ZFHX4: variants seen among roughly 807,000 people sequenced by gnomAD.
ZFHX4 encodes zinc finger homeobox protein 4.
A neutral mutation model predicts 267.6 loss-of-function variants in ZFHX4; 56 were observed. The ratio of observed to expected loss-of-function variants is 0.21; its 90% confidence interval spans 0.17 to 0.26. The LOEUF is 0.26. Ranked by LOEUF, ZFHX4 falls within the 10% of genes least tolerant of loss-of-function variation. The probability of loss-of-function intolerance (pLI) is 1.00; values close to 1 mark genes in which losing one functional copy is unlikely to be tolerated. For missense variants in ZFHX4, 4,332 were observed against 4,420.0 expected (o/e 0.98, Z 0.56); for synonymous variants, 1,778 against 1,665.6 (o/e 1.07, Z -1.64).
intron 3 of ZFHX4, among the ~76,000 whole-genome samples, chr8:76,738,599 T>TTTCCTTCCTTCCTTCC (rs1181956560): frequency 7.7e-6 from 1 of 130,100 alleles, no homozygotes; most frequent in Non-Finnish European, 1.6e-5. Context: ...TTTCTTTCTT[T>TTTCCTTCCTTCCTTCC]TTCCTTCCTT....
At chr8:76,768,063 G>A (rs915103797) in intron 3 of ZFHX4, among the ~76,000 whole-genome samples, 11 of 152,072 alleles carry the variant, frequency 7.2e-5, no homozygotes, top group Admixed American at 7.2e-4. Flanking sequence ...ATTTGGATTG[G>A]GCTTTAAAAT....
chr8:76,701,661 C>T (rs1009322245), intron 1 of ZFHX4, among the ~76,000 whole-genome samples: 1 of 152,240 alleles, frequency 6.6e-6, no homozygotes, highest in Non-Finnish European at 1.5e-5. Context: ...ATAATTCTAG[C>T]TAGTGACTGT....
chr8:76,813,779 G>A (rs898113777), intron 4 of ZFHX4, among the ~76,000 whole-genome samples: 3 of 152,122 alleles, frequency 2.0e-5, no homozygotes, highest in African/African-American at 7.2e-5. Flanking sequence ...TGTGTTCTAT[G>A]TAAGAGTTAA....
intron 3 of ZFHX4, among the ~76,000 whole-genome samples, chr8:76,755,202 A>G (rs1426854197): frequency 2.6e-5 from 4 of 151,978 alleles, no homozygotes; most frequent in Non-Finnish European, 5.9e-5. Flanking sequence ...TTTCTTATTG[A>G]TGTATTAGAA....
chr8:76,743,840 T>A (rs1809385444), intron 3 of ZFHX4, among the ~76,000 whole-genome samples: 1 of 152,198 alleles, frequency 6.6e-6, no homozygotes. Context: ...TTATGATGCA[T>A]CAATGTTATT....
At position 76,863,565 on chromosome 8, in the gene ZFHX4, G is replaced by A. The variant is rs757962675; in HGVS notation, c.9851G>A (p.Gly3284Glu). ...FTPQLPGTVQ[G>E]GYFPPVCGME... Reference sequence around the variant, plus strand: ...CCTCAGCTCCCTGGAACAGTGCAGGGGGGATACTTCCCACCTGTCTGTGGC... The same window carrying A: ...CCTCAGCTCCCTGGAACAGTGCAGGAGGGATACTTCCCACCTGTCTGTGGC... The change falls in exon 11 of 11, where the codon GGG becomes GAG. Residue 3284 changes from glycine (G) to glutamate (E), a missense_variant. This residue lies in a region of ZFHX4 where 1,648 missense variants were observed against 1,625.0 expected (regional missense o/e 1.01). Transcript: ENST00000651372. 6.2e-7 allele frequency: 1 copy of A among 1,613,682 alleles called. No homozygotes were observed. The highest frequency in any genetic ancestry group is 8.5e-7 in the Non-Finnish European group (1 of 1,179,824).
At chr8:76,859,160 C>T (rs1320885158) in intron 10 of ZFHX4, among the ~76,000 whole-genome samples, 8 of 152,100 alleles carry the variant, frequency 5.3e-5, no homozygotes, top group African/African-American at 9.7e-5. Flanking sequence ...GGTTGGATAT[C>T]GGTTTTAATG....
At chr8:76,735,842 T>G (rs1809145084) in intron 3 of ZFHX4, among the ~76,000 whole-genome samples, 1 of 152,096 alleles carries the variant, frequency 6.6e-6, no homozygotes, top group Admixed American at 6.6e-5. Flanking sequence ...GGAATTTGCT[T>G]TCTTTCAAGG....
intron 3 of ZFHX4, among the ~76,000 whole-genome samples, chr8:76,759,866 A>G (rs1241957215): frequency 2.6e-5 from 4 of 152,192 alleles, no homozygotes; most frequent in Non-Finnish European, 4.4e-5. Context: ...AATACTCTCC[A>G]TGAGAGGGTT....
chr8:76,695,475 C>G (rs777377571), intron 1 of ZFHX4, among the ~76,000 whole-genome samples: 1 of 152,192 alleles, frequency 6.6e-6, no homozygotes, highest in Non-Finnish European at 1.5e-5. Flanking sequence ...GAAGTTAACA[C>G]TTAATTTAAA....
chr8:76,692,415 G>T (rs1363362150), intron 1 of ZFHX4, among the ~76,000 whole-genome samples: 1 of 152,128 alleles, frequency 6.6e-6, no homozygotes, highest in Non-Finnish European at 1.5e-5. Context: ...AATGGATACT[G>T]TTACGTGGTA....
chr8:76,775,250 T>C (rs1297757083), intron 3 of ZFHX4, among the ~76,000 whole-genome samples: 1 of 152,208 alleles, frequency 6.6e-6, no homozygotes, highest in Non-Finnish European at 1.5e-5. Flanking sequence ...AAATGTTTTT[T>C]AAGATTTAAG....
chr8:76,818,166 T>G lies in ZFHX4; in HGVS notation c.3326-15172T>G, dbSNP rs142780136. 2.0e-3 allele frequency among the ~76,000 whole-genome samples: 298 copies of G among 152,266 alleles called. 3 individuals are homozygous for G. Among genetic ancestry groups the G allele is most frequent in the African/African-American group, 6.7e-3 (280 of 41,562 alleles). On this transcript the variant is annotated intron_variant, in intron 4 of 10. Coordinates refer to ENST00000651372, the MANE Select transcript of ZFHX4 (RefSeq NM_024721.5). ...GGATTTGATATGGCTGATGGAGGTA[T>G]GAGGACATGAAAATTGAGTAGGGAA... is the stretch of plus-strand genomic sequence containing the variant.
intron 4 of ZFHX4, among the ~76,000 whole-genome samples, chr8:76,803,012 T>C (rs1811152358): frequency 6.6e-6 from 1 of 152,164 alleles, no homozygotes; most frequent in African/African-American, 2.4e-5. Context: ...AAGTCTTTTG[T>C]ATCCTTTAGT....
intron 10 of ZFHX4, among the ~76,000 whole-genome samples, chr8:76,860,093 C>T (rs1812828463): frequency 6.6e-6 from 1 of 151,988 alleles, no homozygotes; most frequent in Admixed American, 6.6e-5. Context: ...AAATTACCAC[C>T]ACTTACTCTA....
At chr8:76,836,496 T>C (rs1812096469) in intron 5 of ZFHX4, among the ~76,000 whole-genome samples, 1 of 152,080 alleles carries the variant, frequency 6.6e-6, no homozygotes, top group South Asian at 2.1e-4. Flanking sequence ...GAGTCCTGGT[T>C]AATGAAAAGG....
chr8:76,705,021 G>C lies in ZFHX4; in HGVS notation c.933G>C (p.Lys311Asn). The C allele has an allele frequency of 3.1e-6, 5 of 1,613,916 alleles. No homozygotes were observed. Among genetic ancestry groups the C allele is most frequent in the Non-Finnish European group, 3.4e-6 (4 of 1,179,872 alleles). Residue 311 changes from lysine to asparagine, a missense_variant, in exon 2 of 11, where the codon AAG (lysine) becomes AAC (asparagine). Physicochemically the swap from Lys to Asn is moderately conservative, Grantham distance 94 (BLOSUM62 0). Transcript: ENST00000651372. Reference sequence around the variant, plus strand: ...TGACCCTCAATGACGAGGAGCAGAAGCTCCTCAGTAATAAATGCGTCTCCG... The same window carrying C: ...TGACCCTCAATGACGAGGAGCAGAACCTCCTCAGTAATAAATGCGTCTCCG... ...HRMTLNDEEQ[K>N]LLSNKCVSAI...
At chr8:76,842,433 C>T (rs1370916709) in intron 5 of ZFHX4, among the ~76,000 whole-genome samples, 3 of 152,154 alleles carry the variant, frequency 2.0e-5, no homozygotes, top group Admixed American at 6.5e-5. Context: ...ATAGACCCAT[C>T]CTCTCAATGG....
At chr8:76,745,553 A>C (rs1585903618) in intron 3 of ZFHX4, among the ~76,000 whole-genome samples, 1 of 150,374 alleles carries the variant, frequency 6.7e-6, no homozygotes, top group Non-Finnish European at 1.5e-5. Context: ...TTATTTTTTC[A>C]GTTTTACTAC....
Sources: gnomAD v4.1 joint callset for allele counts (sites outside exome capture counted in the v4.1 genomes callset) on GRCh38, gnomAD v4.1.1 for gene constraint, gnomAD v4.1.1 regional missense constraint, MANE v1.5 for transcripts, NCBI Gene and HGNC (gene_info 2026-07-23, HGNC 2026-07-21) for gene names.